Variants in ACCSL observed in about 807,000 individuals in gnomAD.
The protein encoded by ACCSL is 1-aminocyclopropane-1-carboxylate synthase homolog (inactive) like, also known as probable inactive 1-aminocyclopropane-1-carboxylate synthase-like protein 2.
Under a neutral mutation model 61.7 loss-of-function variants are expected in ACCSL, and 55 were observed. The ratio of observed to expected loss-of-function variants is 0.89; its 90% CI spans 0.72 to 1.12. ACCSL has a LOEUF of 1.12. Ranked by LOEUF, ACCSL falls within the 50% of genes most tolerant of loss-of-function variation. The probability of loss-of-function intolerance (pLI) is 0.00; values close to 1 mark genes in which losing one functional copy is unlikely to be tolerated. For missense variants in ACCSL, 632 were observed against 698.0 expected (o/e 0.91, Z 1.07); for synonymous variants, 258 against 264.3 (o/e 0.98, Z 0.23).
chr11:43,977,418 G>T, the ACCSL span, among the ~76,000 whole-genome samples: 1 of 137,920 alleles, frequency 7.3e-6, no homozygotes, highest in Non-Finnish European at 1.7e-5. Flanking sequence ...AGATGGCATG[G>T]TGAGAAAGAA....
the ACCSL span, among the ~76,000 whole-genome samples, chr11:43,966,241 C>T: frequency 6.6e-6 from 1 of 152,080 alleles, no homozygotes; most frequent in African/African-American, 2.4e-5. Flanking sequence ...GCGTGGCCAA[C>T]ATGGTAAAAC....
chr11:43,967,164 C>CTTTT, the ACCSL span, among the ~76,000 whole-genome samples: 6 of 68,884 alleles, frequency 8.7e-5, no homozygotes, highest in African/African-American at 3.6e-4. Flanking sequence ...TCTTCTTCTT[C>CTTTT]TTCTTTTTTT....
rs182257970 is a variant in ACCSL, at chr11:44,048,266, G to A, written c.230G>A (p.Arg77Gln). The change falls in exon 1 of 14, where the codon CGG (arginine) becomes CAG (glutamine). Residue 77 changes from arginine to glutamine, a missense_variant. Physicochemically the swap from Arg to Gln is conservative, Grantham distance 43. Coordinates refer to ENST00000378832, the MANE Select transcript of ACCSL (RefSeq NM_001031854.2). ...GCCCTTCTGAGTCGCTTAATATGCCGGATGATCAACCTCCTACAGTCTGGG... is the reference window on the plus strand; with the variant it reads ...GCCCTTCTGAGTCGCTTAATATGCCAGATGATCAACCTCCTACAGTCTGGG... ...HEALLSRLIC[R>Q]MINLLQSGAA... 4.3e-4 allele frequency: 694 copies of A among 1,614,102 alleles called. 4 individuals carry two copies. The East Asian group carries it at 0.011, about 25-fold the overall frequency.
the ACCSL span, among the ~76,000 whole-genome samples, chr11:43,933,588 C>T: frequency 6.6e-6 from 1 of 152,210 alleles, no homozygotes; most frequent in African/African-American, 2.4e-5. Flanking sequence ...GATTCTCAGA[C>T]CAGTGGTCCC....
the ACCSL span, among the ~76,000 whole-genome samples, chr11:43,967,470 C>T: frequency 0.34 from 50,996 of 151,824 alleles, 9,017 homozygotes; most frequent in East Asian, 0.6. Context: ...TGAACCACCA[C>T]GCCCGGCCTC....
the ACCSL span, among the ~76,000 whole-genome samples, chr11:44,021,630 C>T: frequency 6.6e-6 from 1 of 152,120 alleles, no homozygotes. Context: ...AATTAAGTCT[C>T]ATCTATTTAT....
At chr11:44,024,009 G>A in the ACCSL span, among the ~76,000 whole-genome samples, 14 of 152,094 alleles carry the variant, frequency 9.2e-5, no homozygotes, top group Non-Finnish European at 1.8e-4. Flanking sequence ...TTTGACTGGG[G>A]CAATGGGTAT....
chr11:43,951,245 G>A, the ACCSL span, among the ~76,000 whole-genome samples: 1 of 152,174 alleles, frequency 6.6e-6, no homozygotes. Context: ...AGAAGCAAAA[G>A]CCACCTGCCT....
At chr11:44,019,319 A>G in the ACCSL span, among the ~76,000 whole-genome samples, 6 of 152,214 alleles carry the variant, frequency 3.9e-5, no homozygotes, top group African/African-American at 7.2e-5. Flanking sequence ...TGGGTCATAT[A>G]GTAACTCTGT....
chr11:44,007,675 T>G, the ACCSL span, among the ~76,000 whole-genome samples: 1 of 152,188 alleles, frequency 6.6e-6, no homozygotes, highest in African/African-American at 2.4e-5. Flanking sequence ...GACCTTGGGC[T>G]GGGCACTCAA....
the ACCSL span, among the ~76,000 whole-genome samples, chr11:44,035,652 A>G: frequency 3.9e-5 from 6 of 152,212 alleles, no homozygotes; most frequent in Middle Eastern, 3.4e-3. Context: ...AGAATAGCTG[A>G]AGGGGCAGGG....
chr11:43,948,604 G>A, the ACCSL span, among the ~76,000 whole-genome samples: 1 of 152,152 alleles, frequency 6.6e-6, no homozygotes, highest in Admixed American at 6.5e-5. Flanking sequence ...TTCCTGAGTA[G>A]TCAGCACTAG....
chr11:43,938,969 G>A, the ACCSL span, among the ~76,000 whole-genome samples: 2 of 152,236 alleles, frequency 1.3e-5, no homozygotes, highest in African/African-American at 2.4e-5. Flanking sequence ...TCTGAGCCAC[G>A]ATAGTCTGAC....
the ACCSL span, among the ~76,000 whole-genome samples, chr11:43,981,961 T>G: frequency 6.6e-6 from 1 of 152,180 alleles, no homozygotes; most frequent in Non-Finnish European, 1.5e-5. Flanking sequence ...TGAGTCCTGG[T>G]CTGTTTGTGA....
Position 44,055,271 on chromosome 11 carries a change from C to A in ACCSL, c.1119C>A (p.His373Gln). The part of the protein sequence containing the change: ...LSVFDESITF[H>Q]SILSMKSLPD... ...TGTTTGATGAATCCATCACATTCCA[C>A]AGCATTCTGAGCATGAAAAGGTGAG... The change falls in exon 9 of 14, where the codon CAC becomes CAA. Residue 373 changes from histidine to glutamine, a missense_variant. By Grantham distance (24) the His-to-Gln change is conservative. Coordinates refer to ENST00000378832, the MANE Select transcript of ACCSL (RefSeq NM_001031854.2). The A allele has an allele frequency of 1.9e-6, 3 of 1,612,810 alleles. No individual in the cohort carries two copies. The highest frequency in any genetic ancestry group is 1.7e-6 in the Non-Finnish European group (2 of 1,179,004).
the ACCSL span, among the ~76,000 whole-genome samples, chr11:43,983,062 A>T: frequency 6.6e-6 from 1 of 152,302 alleles, no homozygotes; most frequent in South Asian, 2.1e-4. Flanking sequence ...GGGCACACCT[A>T]AGGGTTGGGA....
the ACCSL span, among the ~76,000 whole-genome samples, chr11:44,038,815 T>G: frequency 6.6e-6 from 1 of 152,214 alleles, no homozygotes; most frequent in South Asian, 2.1e-4. Context: ...ATAGGCAGGC[T>G]TCCATTAGCC....
chr11:43,963,549 C>A, the ACCSL span, among the ~76,000 whole-genome samples: 1 of 152,144 alleles, frequency 6.6e-6, no homozygotes, highest in Middle Eastern at 3.2e-3. Flanking sequence ...GGTCTCTGAA[C>A]TACTGAATGA....
At chr11:43,943,990 G>A in the ACCSL span, 1 of 631,904 alleles carries the variant, frequency 1.6e-6, no homozygotes, top group Admixed American at 3.8e-5. The surrounding 1 kb of genome is among the most constrained non-coding windows in gnomAD (Gnocchi z 4.8). Context: ...AGCCGGGAGT[G>A]GAGCTACCTC....
Sources: allele counts gnomAD v4.1 joint callset (sites outside exome capture counted in the v4.1 genomes callset), GRCh38; gene constraint gnomAD v4.1.1; non-coding constraint Gnocchi (gnomAD v3.1); transcripts MANE v1.5; gene names NCBI Gene and HGNC (gene_info 2026-07-23, HGNC 2026-07-21).